ICE2: variants seen among roughly 807,000 people sequenced by gnomAD.
The protein encoded by ICE2 is little elongation complex subunit 2.
Under a neutral mutation model 105.4 loss-of-function variants are expected in ICE2, and 87 were observed. The observed-to-expected ratio is 0.83, with a 90% CI of 0.69 to 0.99. The LOEUF is 0.99. Ranked by LOEUF, ICE2 falls within the 50% of genes least tolerant of loss-of-function variation. The probability of loss-of-function intolerance (pLI) is 0.00; values close to 1 mark genes in which losing one functional copy is unlikely to be tolerated. For synonymous variants in ICE2, 399 were observed against 392.0 expected, an observed-to-expected ratio of 1.02 and a Z score of -0.21; for missense variants, 1,323 against 1,146.7, an observed-to-expected ratio of 1.15 and a Z score of -2.22.
At chr15:60,442,714 A>C (rs1028362555) in intron 11 of ICE2, 169 bp from the exon 12 acceptor site, 1 of 484,300 alleles carries the variant, frequency 2.1e-6, no homozygotes, top group African/African-American at 2.0e-5. Flanking sequence ...AGGCCTGATG[A>C]ATAGAAGAAT....
chr15:60,423,828 C>G lies in ICE2; in HGVS notation c.2821-66G>C. 5.9e-6 allele frequency: 8 copies of G among 1,354,002 alleles called. No homozygotes were observed. In the South Asian group the frequency reaches 1.1e-4, roughly 19 times the overall value. The allele number at this position is 1,354,002 out of a possible 1,614,324, so 83.9% of individuals were successfully genotyped here. ...ACAACATACCTATATACAGTCAACT[C>G]TGTAGTATTTATACATGTATTAACC... On this transcript the variant is annotated intron_variant, in intron 15 of 15. Transcript: ENST00000261520.
intron 3 of ICE2, among the ~76,000 whole-genome samples, chr15:60,475,513 T>C (rs1249404891): frequency 6.6e-6 from 1 of 151,992 alleles, no homozygotes; most frequent in Non-Finnish European, 1.5e-5. Context: ...ACTAGTTAAA[T>C]GAATTAAAAG....
intron 12 of ICE2, among the ~76,000 whole-genome samples, chr15:60,437,633 G>C (rs2063626123): frequency 6.6e-6 from 1 of 150,758 alleles, no homozygotes; most frequent in Non-Finnish European, 1.5e-5. Flanking sequence ...GAGCCCGGCT[G>C]AAGTCTTATT....
chr15:60,449,302 A>G lies in ICE2; in HGVS notation c.1665T>C (p.Thr555=), dbSNP rs2063902533. 6.2e-7 allele frequency: 1 copy of G among 1,613,128 alleles called. No individual in the cohort carries two copies. Among genetic ancestry groups the G allele is most frequent in the South Asian group, 1.1e-5 (1 of 91,044 alleles). ...CAGTTTTTGCTGCTTCTGATCCAAC[A>G]GTCTTTTCCTTTGAGTTGTCTAGGT... ...LENLDNSKEK[T]VGSEAAKTED... The change falls in exon 10 of 16, where the codon ACT becomes ACC. Residue 555 remains threonine, a synonymous_variant. Transcript: ENST00000261520.
chr15:60,472,111 T>C (rs1221156447), intron 3 of ICE2, among the ~76,000 whole-genome samples: 1 of 152,098 alleles, frequency 6.6e-6, no homozygotes. Flanking sequence ...TCATGGGTCA[T>C]TTTAATATCC....
intron 11 of ICE2, among the ~76,000 whole-genome samples, chr15:60,443,389 A>C (rs1187911098): frequency 6.6e-6 from 1 of 152,242 alleles, no homozygotes; most frequent in Non-Finnish European, 1.5e-5. Flanking sequence ...ACAGATTTGA[A>C]AATATTTCAT....
intron 6 of ICE2, among the ~76,000 whole-genome samples, chr15:60,455,970 G>A (rs2064098765): frequency 6.6e-6 from 1 of 151,960 alleles, no homozygotes; most frequent in African/African-American, 2.4e-5. Flanking sequence ...CCTTTCAGGA[G>A]ATACAAATCA....
intron 15 of ICE2, 69 bp from the exon 16 acceptor site, chr15:60,423,831 T>A: frequency 1.5e-6 from 2 of 1,332,378 alleles, no homozygotes; most frequent in Non-Finnish European, 9.9e-7. Flanking sequence ...GTCAACTCTG[T>A]AGTATTTATA....
At position 60,423,493 on chromosome 15, in the gene ICE2, T is replaced by A; in HGVS notation, c.*141A>T. On this transcript the variant is annotated 3_prime_UTR_variant, in exon 16 of 16. Transcript: ENST00000261520. ...ATTTTAGTTGAAATATTCCTTCACA[T>A]AGCCAACACATTTTTTCAAGGCACT... The A allele has an allele frequency of 1.5e-6, 1 of 649,782 alleles. No individual in the cohort carries two copies. The highest frequency in any genetic ancestry group is 2.5e-5 in the South Asian group (1 of 39,668). 40.3% of individuals were successfully genotyped at this position (649,782 alleles called of 1,614,324 possible). A position where few individuals can be genotyped will look rare whatever the true frequency, so the allele number is the denominator to read the frequency against.
chr15:60,432,811 G>A (rs146802054), intron 13 of ICE2, among the ~76,000 whole-genome samples: 8 of 151,856 alleles, frequency 5.3e-5, no homozygotes, highest in African/African-American at 4.8e-5. Flanking sequence ...AGAATGGCAC[G>A]AGCCCGGGAG....
intron 11 of ICE2, chr15:60,445,762 C>CG (rs2063809391): frequency 1.0e-6 from 1 of 984,854 alleles, no homozygotes; most frequent in Non-Finnish European, 1.2e-6. Context: ...TAAGAGATAC[C>CG]GGCCATCAAC....
intron 11 of ICE2, among the ~76,000 whole-genome samples, chr15:60,444,039 A>AGCAGTAAGCTATGATCGTGCGACT (rs2063772962): frequency 1.3e-5 from 2 of 152,182 alleles, no homozygotes; most frequent in Non-Finnish European, 2.9e-5. Flanking sequence ...AGTTCAAGGA[A>AGCAGTAAGCTATGATCGTGCGACT]GCAGTAAGCT....
At chr15:60,437,197 G>A (rs1049923634) in intron 12 of ICE2, among the ~76,000 whole-genome samples, 3 of 151,932 alleles carry the variant, frequency 2.0e-5, no homozygotes, top group Admixed American at 1.3e-4. Context: ...GGAGGTTGCA[G>A]TGAGCCGATA....
intron 3 of ICE2, among the ~76,000 whole-genome samples, chr15:60,470,754 T>C (rs2064568960): frequency 1.3e-5 from 2 of 152,206 alleles, no homozygotes; most frequent in Non-Finnish European, 2.9e-5. Flanking sequence ...CCTCATTATA[T>C]CTCATAATGC....
intron 5 of ICE2, among the ~76,000 whole-genome samples, chr15:60,457,835 C>A (rs570762057): frequency 6.6e-6 from 1 of 152,272 alleles, no homozygotes; most frequent in East Asian, 1.9e-4. Context: ...ACTGCAAACT[C>A]GTATCTGCAA....
intron 7 of ICE2, 28 bp from the exon 8 acceptor site, chr15:60,455,190 T>C (rs1268363159): frequency 1.3e-6 from 2 of 1,549,936 alleles, no homozygotes; most frequent in Admixed American, 2.1e-5. Flanking sequence ...ATTTGTTACT[T>C]GGTTATACTT....
At chr15:60,440,937 G>A (rs2063706299) in intron 12 of ICE2, 1 of 152,068 alleles carries the variant, frequency 6.6e-6, no homozygotes. Flanking sequence ...CAGCAGTTAG[G>A]ATTACTTAGG....
chr15:60,426,088 GAT>G (rs1167678218), intron 15 of ICE2, among the ~76,000 whole-genome samples: 1 of 152,184 alleles, frequency 6.6e-6, no homozygotes, highest in Non-Finnish European at 1.5e-5. Context: ...CACACTCCGT[GAT>G]ACACATGTAA....
chr15:60,449,047 T>G lies in ICE2; in HGVS notation c.1920A>C (p.Lys640Asn). 6.2e-7 allele frequency: 1 copy of G among 1,613,308 alleles called. No individual in the cohort carries two copies. Among genetic ancestry groups the G allele is most frequent in the Non-Finnish European group, 8.5e-7 (1 of 1,179,688 alleles). The stretch of plus-strand genomic sequence containing the variant: ...AAATCTCTCCAACTGGATCAAATTT[T>G]TTATATACTCGTTTGATAGGTTTTT... ...VLKKPIKRVY[K>N]KFDPVGEILK... is the part of the protein sequence containing the mutation. The change falls in exon 10 of 16, where the codon AAA becomes AAC. Residue 640 changes from lysine (K) to asparagine (N), a missense_variant. By Grantham distance (94) the Lys-to-Asn change is moderately conservative. Transcript: ENST00000261520.
Sources: allele counts gnomAD v4.1 joint callset (sites outside exome capture counted in the v4.1 genomes callset), GRCh38; gene constraint gnomAD v4.1.1; transcripts MANE v1.5; gene names NCBI Gene and HGNC (gene_info 2026-07-23, HGNC 2026-07-21).